Variants in PC observed in about 807,000 individuals in gnomAD.
PC encodes pyruvate carboxylase, mitochondrial.
PC carries 46 observed loss-of-function variants against 107.8 expected under a neutral mutation model. The observed-to-expected ratio is 0.43, with a 90% CI of 0.34 to 0.55. PC has a LOEUF of 0.55. PC is among the 20% of genes least tolerant of loss of function. The probability of loss-of-function intolerance (pLI) is 0.04; values close to 1 mark genes in which losing one functional copy is unlikely to be tolerated. For missense variants in PC, 1,241 were observed against 1,643.1 expected (o/e 0.76, Z 4.23); for synonymous variants, 662 against 684.7 (o/e 0.97, Z 0.52).
At position 66,871,613 on chromosome 11, in the gene PC, C is replaced by T; in HGVS notation, c.321+74G>A. 1 of 1,567,412 alleles carries T rather than the reference C, an allele frequency of 6.4e-7. No homozygotes were observed. Among genetic ancestry groups the T allele is most frequent in the Non-Finnish European group, 8.7e-7 (1 of 1,150,706 alleles). ...CGCACAGAGGCGCTGAGCACGCCAG[C>T]CTCAAGAGACCCCCGCGGCAACTAA... On this transcript the variant is annotated intron_variant, in intron 5 of 22. Transcript: ENST00000393960. The surrounding 1 kb of genome is among the most constrained non-coding windows in gnomAD (Gnocchi z 7.4).
chr11:66,944,021 C>T (rs1041408714), intron 3 of PC, among the ~76,000 whole-genome samples: 9 of 141,238 alleles, frequency 6.4e-5, no homozygotes, highest in African/African-American at 2.3e-4. Context: ...GTGGCTCACG[C>T]CTGTAATCCC....
intron 3 of PC, among the ~76,000 whole-genome samples, chr11:66,950,050 A>C (rs561074709): frequency 7.9e-5 from 12 of 152,302 alleles, no homozygotes; most frequent in Admixed American, 7.8e-4. Context: ...ACTTATTATT[A>C]ATGATTTAAT....
intron 3 of PC, among the ~76,000 whole-genome samples, chr11:66,881,552 C>T (rs1947188746): frequency 6.6e-6 from 1 of 152,246 alleles, no homozygotes. Context: ...CCGTCACCTG[C>T]CCCGCTCCTG....
chr11:66,858,720 T>C lies in PC; in HGVS notation c.1368+5054A>G, dbSNP rs1591150194. The C allele has an allele frequency of 6.4e-7, 1 of 1,552,480 alleles. No individual in the cohort carries two copies. The highest frequency in any genetic ancestry group is 1.9e-5 in the Admixed American group (1 of 52,072). ...TGACGACCGGTTGGTTGGCAACTCC[T>C]CCCGAGCCCGGGCTTTCCCCAACGG... On this transcript the variant is annotated intron_variant, in intron 12 of 22. Coordinates refer to ENST00000393960, the MANE Select transcript of PC (RefSeq NM_001040716.2). This position sits in a 1 kb window ranked among gnomAD's most constrained non-coding sequence, Gnocchi z 5.9.
At position 66,858,728 on chromosome 11, in the gene PC, C is replaced by G; in HGVS notation, c.1368+5046G>C. On this transcript the variant is annotated intron_variant, in intron 12 of 22. Transcript: ENST00000393960. This position sits in a 1 kb window ranked among gnomAD's most constrained non-coding sequence, Gnocchi z 5.9. ...GGTTGGTTGGCAACTCCTCCCGAGC[C>G]CGGGCTTTCCCCAACGGGACCTTAG... 6.4e-7 allele frequency: 1 copy of G among 1,553,452 alleles called. No individual in the cohort carries two copies. Among genetic ancestry groups the G allele is most frequent in the Non-Finnish European group, 8.7e-7 (1 of 1,147,866 alleles).
chr11:66,871,610 C>T lies in PC; in HGVS notation c.321+77G>A. ...CCACGCACAGAGGCGCTGAGCACGC[C>T]AGCCTCAAGAGACCCCCGCGGCAAC... On this transcript the variant is annotated intron_variant, in intron 5 of 22. Transcript: ENST00000393960. The surrounding 1 kb of genome is among the most constrained non-coding windows in gnomAD (Gnocchi z 7.4). 1 of 1,569,218 alleles carries T rather than the reference C, an allele frequency of 6.4e-7. No individual in the cohort carries two copies. Among genetic ancestry groups the T allele is most frequent in the Non-Finnish European group, 8.7e-7 (1 of 1,150,812 alleles).
At chr11:66,918,058 G>A (rs914636089) in intron 3 of PC, among the ~76,000 whole-genome samples, 1 of 152,164 alleles carries the variant, frequency 6.6e-6, no homozygotes, top group South Asian at 2.1e-4. Context: ...CAGCCTGTGA[G>A]CCCTCTAGGT....
In PC at chr11:66,870,521, C is replaced by T. The variant is rs972293528; in HGVS notation, c.752-68G>A. 45 of 1,548,384 alleles carry T rather than the reference C, an allele frequency of 2.9e-5. No individual in the cohort carries two copies. The Admixed American group carries it at 6.8e-4, about 23-fold the overall frequency. Reference sequence around the variant, plus strand: ...ACACGCCTCCTAAATGCCCCATCACCCCCACATAACCACTGTCGCCAGTCA... The same window carrying T: ...ACACGCCTCCTAAATGCCCCATCACTCCCACATAACCACTGTCGCCAGTCA... On this transcript the variant is annotated intron_variant, in intron 8 of 22. Coordinates refer to ENST00000393960, the MANE Select transcript of PC (RefSeq NM_001040716.2). The surrounding 1 kb of genome is among the most constrained non-coding windows in gnomAD (Gnocchi z 6.1).
intron 3 of PC, among the ~76,000 whole-genome samples, chr11:66,940,198 A>T (rs952101250): frequency 1.5e-5 from 2 of 137,002 alleles, no homozygotes; most frequent in Non-Finnish European, 3.1e-5. Flanking sequence ...AGTTCCCAAA[A>T]CTTTTTTTTT....
chr11:66,931,094 G>C (rs1948835808), intron 3 of PC, among the ~76,000 whole-genome samples: 1 of 152,016 alleles, frequency 6.6e-6, no homozygotes, highest in Non-Finnish European at 1.5e-5. Flanking sequence ...AGAATAGCTG[G>C]GGTGCCAGGT....
chr11:66,871,594 G>A lies in PC; in HGVS notation c.321+93C>T, dbSNP rs1380692104. 2 of 1,576,314 alleles carry A rather than the reference G, an allele frequency of 1.3e-6. No homozygotes were observed. The highest frequency in any genetic ancestry group is 1.7e-5 in the Admixed American group (1 of 58,076). On this transcript the variant is annotated intron_variant, in intron 5 of 22. Coordinates refer to ENST00000393960, the MANE Select transcript of PC (RefSeq NM_001040716.2). This position sits in a 1 kb window ranked among gnomAD's most constrained non-coding sequence, Gnocchi z 7.4. ...GCATCCGTTTACCCACCCACGCACA[G>A]AGGCGCTGAGCACGCCAGCCTCAAG... is the stretch of plus-strand genomic sequence containing the variant.
intron 3 of PC, among the ~76,000 whole-genome samples, chr11:66,902,952 G>A (rs537669032): frequency 7.2e-5 from 11 of 152,354 alleles, no homozygotes; most frequent in African/African-American, 1.7e-4. Flanking sequence ...GCGGCAAGCC[G>A]GGCTGTCAGG....
In PC at chr11:66,863,712, G is replaced by A. The variant is rs1591170042; in HGVS notation, c.1368+62C>T. 3 of 1,532,474 alleles carry A rather than the reference G, an allele frequency of 2.0e-6. No homozygotes were observed. In the East Asian group the frequency reaches 6.8e-5, roughly 35 times the overall value. 94.9% of individuals were successfully genotyped at this position (1,532,474 alleles called of 1,614,324 possible). A position where few individuals can be genotyped will look rare whatever the true frequency, so the allele number is the denominator to read the frequency against. On this transcript the variant is annotated intron_variant, in intron 12 of 22. Transcript: ENST00000393960. ...TGTGCAAGGCCCTTGGTGGGGAAGTGAACGGTCAGGGGGCCCTCCAAGGGC... is the reference window on the plus strand; with the variant it reads ...TGTGCAAGGCCCTTGGTGGGGAAGTAAACGGTCAGGGGGCCCTCCAAGGGC...
At chr11:66,873,032 C>T (rs1946803262) in intron 3 of PC, among the ~76,000 whole-genome samples, 1 of 146,720 alleles carries the variant, frequency 6.8e-6, no homozygotes, top group African/African-American at 2.5e-5. Flanking sequence ...AGACTCTGTC[C>T]CAGGAAAAAA....
At chr11:66,895,713 G>T (rs1947735021) in intron 3 of PC, among the ~76,000 whole-genome samples, 1 of 151,940 alleles carries the variant, frequency 6.6e-6, no homozygotes, top group Non-Finnish European at 1.5e-5. Flanking sequence ...GGTGAAAAAG[G>T]GAAAAAAATT....
chr11:66,860,685 C>T, intron 12 of PC: 1 of 701,276 alleles, frequency 1.4e-6, no homozygotes. Flanking sequence ...AGAGCATGGG[C>T]TTGGGCAGGC....
At position 66,851,254 on chromosome 11, in the gene PC, C is replaced by T. The variant is rs1221556887; in HGVS notation, c.2009G>A (p.Gly670Asp). 2 of 1,602,282 alleles carry T rather than the reference C, an allele frequency of 1.2e-6. No homozygotes were observed. The highest frequency in any genetic ancestry group is 1.7e-6 in the Non-Finnish European group (2 of 1,179,952). ...FKFCEVAKEN[G>D]MDVFRVFDSL... ...GTCAAACACACGGAAGACATCCATG[C>T]CATTCTCTTTGGCCACTTCACAGAA... Residue 670 changes from glycine (G) to aspartate (D), a missense_variant, in exon 17 of 23, where the codon GGC (glycine) becomes GAC (aspartate). By Grantham distance (94) the Gly-to-Asp change is moderately conservative (BLOSUM62 -1). Around this residue, in one of 2 missense-constraint regions of PC, gnomAD observed 1,143 missense variants for 1,551.9 expected, o/e 0.74. Transcript: ENST00000393960.
At chr11:66,946,403 G>A (rs1318486274) in intron 3 of PC, among the ~76,000 whole-genome samples, 1 of 152,084 alleles carries the variant, frequency 6.6e-6, no homozygotes, top group Non-Finnish European at 1.5e-5. Context: ...GACCAAGGCG[G>A]GCAGATCACA....
At chr11:66,935,605 T>C (rs1664565979) in intron 3 of PC, among the ~76,000 whole-genome samples, 1 of 152,162 alleles carries the variant, frequency 6.6e-6, no homozygotes, top group African/African-American at 2.4e-5. Context: ...CCACACCATA[T>C]TGCAACATCC....
Sources: gnomAD v4.1 joint callset for allele counts (sites outside exome capture counted in the v4.1 genomes callset) on GRCh38, gnomAD v4.1.1 for gene constraint, gnomAD v4.1.1 regional missense constraint, Gnocchi (gnomAD v3.1) non-coding constraint, MANE v1.5 for transcripts, NCBI Gene and HGNC (gene_info 2026-07-23, HGNC 2026-07-21) for gene names.